Variants in TTBK2 observed in about 807,000 individuals in gnomAD.
TTBK2 encodes the protein tau tubulin kinase 2.
In TTBK2, 28 loss-of-function variants were observed where a neutral mutation model predicts 110.8. That is an observed-to-expected ratio of 0.25 (90% CI 0.19 to 0.35). The LOEUF is 0.35. Ranked by LOEUF, TTBK2 falls within the 10% of genes least tolerant of loss-of-function variation. The probability of loss-of-function intolerance (pLI) is 1.00; values close to 1 mark genes in which losing one functional copy is unlikely to be tolerated. For missense variants in TTBK2, 1,369 were observed against 1,500.3 expected (o/e 0.91, Z 1.45); for synonymous variants, 532 against 527.3 (o/e 1.01, Z -0.12).
At chr15:42,913,888 T>G (rs191495335) in intron 1 of TTBK2, among the ~76,000 whole-genome samples, 1 of 152,222 alleles carries the variant, frequency 6.6e-6, no homozygotes, top group East Asian at 1.9e-4. Flanking sequence ...AGCAAAGCAT[T>G]ATGTCTATGA....
chr15:42,794,963 G>A, intron 9 of TTBK2, 162 bp from the exon 10 acceptor site: 1 of 784,392 alleles, frequency 1.3e-6, no homozygotes, highest in Non-Finnish European at 2.1e-6. Flanking sequence ...ATATGTAGAT[G>A]ATGATAGTGA....
At chr15:42,883,160 T>C (rs1045348387) in intron 1 of TTBK2, among the ~76,000 whole-genome samples, 11 of 152,066 alleles carry the variant, frequency 7.2e-5, no homozygotes, top group African/African-American at 2.4e-4. Flanking sequence ...GGCAGGTGGA[T>C]CACCTGAGGT....
chr15:42,826,223 A>G (rs1307925813), intron 6 of TTBK2, among the ~76,000 whole-genome samples: 1 of 152,002 alleles, frequency 6.6e-6, no homozygotes, highest in African/African-American at 2.4e-5. Context: ...ACAATCCAAA[A>G]AAGTATGACA....
intron 3 of TTBK2, among the ~76,000 whole-genome samples, chr15:42,845,101 T>C (rs1893392463): frequency 6.6e-6 from 1 of 152,186 alleles, no homozygotes; most frequent in South Asian, 2.1e-4. Context: ...TCACTAGATT[T>C]TACAAGTTTT....
chr15:42,905,080 C>T (rs1457470256), intron 1 of TTBK2, among the ~76,000 whole-genome samples: 1 of 151,946 alleles, frequency 6.6e-6, no homozygotes, highest in Non-Finnish European at 1.5e-5. Flanking sequence ...CCATGTTGGC[C>T]AGGCTGGTCT....
intron 6 of TTBK2, among the ~76,000 whole-genome samples, chr15:42,819,925 C>T (rs1892220478): frequency 6.6e-6 from 1 of 152,124 alleles, no homozygotes. Flanking sequence ...TGAAAATCTC[C>T]AGACTTATTA....
chr15:42,768,244 T>C (rs575303905), intron 13 of TTBK2, among the ~76,000 whole-genome samples: 1 of 152,210 alleles, frequency 6.6e-6, no homozygotes, highest in African/African-American at 2.4e-5. Flanking sequence ...TTCAACATAG[T>C]GTTGGAAGTT....
chr15:42,912,282 A>G (rs904319739), intron 1 of TTBK2, among the ~76,000 whole-genome samples: 1 of 152,148 alleles, frequency 6.6e-6, no homozygotes, highest in Non-Finnish European at 1.5e-5. Context: ...TAAGAGGAAA[A>G]AGAGTCCATT....
chr15:42,852,504 T>G (rs1893760514), intron 3 of TTBK2, among the ~76,000 whole-genome samples: 1 of 152,244 alleles, frequency 6.6e-6, no homozygotes. Flanking sequence ...CTCAGGGGCT[T>G]CTTGAGTTAT....
At chr15:42,878,408 T>A in intron 2 of TTBK2, 141 bp downstream of exon 2, 1 of 1,491,090 alleles carries the variant, frequency 6.7e-7, no homozygotes. Flanking sequence ...AAATAACTGC[T>A]TTAGGCATAT....
intron 9 of TTBK2, among the ~76,000 whole-genome samples, chr15:42,809,190 G>A (rs181205548): frequency 4.8e-4 from 73 of 152,320 alleles, no homozygotes; most frequent in African/African-American, 1.7e-3. Flanking sequence ...GCAGGAAAGA[G>A]CTGGATTATT....
At position 42,752,727 on chromosome 15, in the gene TTBK2, T is replaced by A. The variant is rs2061884273; in HGVS notation, c.2519A>T (p.Asn840Ile). Reference sequence around the variant, plus strand: ...TGTCAGAAGCTTCATTATCTCATTATTTTTGTCTTGATTTGGCACCACACT... The same window carrying A: ...TGTCAGAAGCTTCATTATCTCATTAATTTTGTCTTGATTTGGCACCACACT... ...TFSVVPNQDKNNEIMKLLTVG... is the reference protein window; with the variant it reads ...TFSVVPNQDKINEIMKLLTVG... The change falls in exon 14 of 15, where the codon AAT becomes ATT. Residue 840 changes from asparagine (N) to isoleucine (I), a missense_variant. Asn to Ile is a moderately radical substitution (Grantham distance 149). Transcript: ENST00000267890. The A allele has an allele frequency of 6.2e-7, 1 of 1,614,214 alleles. No homozygotes were observed. Among genetic ancestry groups the A allele is most frequent in the Non-Finnish European group, 8.5e-7 (1 of 1,180,046 alleles).
chr15:42,777,607 T>C (rs776765108), intron 11 of TTBK2, among the ~76,000 whole-genome samples: 1 of 152,194 alleles, frequency 6.6e-6, no homozygotes, highest in Admixed American at 6.5e-5. Flanking sequence ...GAGACATAAG[T>C]GGTCTCACAA....
rs1377989311 is a variant in TTBK2, at chr15:42,738,933, T to C, written c.*6862A>G. The C allele has an allele frequency of 6.6e-6, 1 of 152,192 alleles. No homozygotes were observed. The highest frequency in any genetic ancestry group is 1.9e-4 in the East Asian group (1 of 5,200). The allele number at this position is 152,192 out of a possible 1,614,324, so 9.4% of individuals were successfully genotyped here. A position where few individuals can be genotyped will look rare whatever the true frequency, so the allele number is the denominator to read the frequency against. ...ACTTTATTAAATTAGAAAAATATTT[T>C]CCACTTTTGAAATCCAGACCATCAC... On this transcript the variant is annotated 3_prime_UTR_variant, in exon 15 of 15. Transcript: ENST00000267890.
At chr15:42,909,517 T>A (rs935017975) in intron 1 of TTBK2, among the ~76,000 whole-genome samples, 1 of 152,184 alleles carries the variant, frequency 6.6e-6, no homozygotes, top group Admixed American at 6.5e-5. Flanking sequence ...AGCCTTAATT[T>A]AATCATATAT....
intron 14 of TTBK2, 145 bp from the exon 15 acceptor site, chr15:42,746,402 T>C (rs1351347321): frequency 1.4e-5 from 9 of 664,876 alleles, no homozygotes; most frequent in Non-Finnish European, 2.3e-5. Context: ...CATATACTAG[T>C]TGTATGACCC....
At chr15:42,892,704 CAAAAAAAAAA>C (rs35331798) in intron 1 of TTBK2, among the ~76,000 whole-genome samples, 1 of 37,910 alleles carries the variant, frequency 2.6e-5, no homozygotes. Flanking sequence ...GACCCTGTCT[CAAAAAAAAAA>C]AAAAAAAAAA....
chr15:42,917,859 A>C (rs1193480403), intron 1 of TTBK2, among the ~76,000 whole-genome samples: 3 of 152,218 alleles, frequency 2.0e-5, no homozygotes, highest in Non-Finnish European at 2.9e-5. Flanking sequence ...GACTAGAGTA[A>C]TTTTGAGTAG....
chr15:42,892,117 A>T (rs569190379), intron 1 of TTBK2, among the ~76,000 whole-genome samples: 1 of 152,204 alleles, frequency 6.6e-6, no homozygotes, highest in Non-Finnish European at 1.5e-5. Flanking sequence ...AATTTAAAAG[A>T]ACGGAAATCA....
Sources: gnomAD v4.1 joint callset for allele counts (sites outside exome capture counted in the v4.1 genomes callset) on GRCh38, gnomAD v4.1.1 for gene constraint, MANE v1.5 for transcripts, NCBI Gene and HGNC (gene_info 2026-07-23, HGNC 2026-07-21) for gene names.